Variants in TMEFF2 observed in about 807,000 individuals in gnomAD.
The protein encoded by TMEFF2 is transmembrane protein with EGF like and two follistatin like domains 2.
In TMEFF2, 28 loss-of-function variants were observed where a neutral mutation model predicts 53.8. The observed-to-expected ratio is 0.52, with a 90% confidence interval of 0.39 to 0.71. The LOEUF (loss-of-function observed/expected upper bound fraction) is 0.71, where lower values mean the gene tolerates loss of function less well. TMEFF2 is among the 30% of genes least tolerant of loss of function. The pLI is 0.00. For synonymous variants in TMEFF2, 162 were observed against 166.3 expected (o/e 0.97, Z 0.20); for missense variants, 353 against 455.2 (o/e 0.78, Z 2.04).
intron 4 of TMEFF2, 70 bp downstream of exon 4, chr2:192,179,598 C>A: frequency 7.0e-7 from 1 of 1,436,504 alleles, no homozygotes. Flanking sequence ...TGAAATGGAA[C>A]ATACATAAGT....
At chr2:192,090,459 GTGATA>G (rs2105933988) in intron 4 of TMEFF2, among the ~76,000 whole-genome samples, 1 of 152,252 alleles carries the variant, frequency 6.6e-6, no homozygotes, top group Non-Finnish European at 1.5e-5. Flanking sequence ...GTCAAATGCA[GTGATA>G]TAATAAAAAG....
intron 5 of TMEFF2, among the ~76,000 whole-genome samples, chr2:192,017,957 T>C (rs1013102040): frequency 1.3e-5 from 2 of 152,312 alleles, no homozygotes; most frequent in East Asian, 1.9e-4. Context: ...AGAGTTGATA[T>C]ATCCTTTCTT....
At chr2:192,150,688 A>C (rs1574416797) in intron 4 of TMEFF2, among the ~76,000 whole-genome samples, 1 of 96,312 alleles carries the variant, frequency 1.0e-5, no homozygotes, top group African/African-American at 3.5e-5. Context: ...AGCAGAGGAC[A>C]CTTCATGTTT....
At chr2:192,111,588 A>G (rs893167461) in intron 4 of TMEFF2, among the ~76,000 whole-genome samples, 1 of 152,190 alleles carries the variant, frequency 6.6e-6, no homozygotes, top group Admixed American at 6.6e-5. Context: ...CCTTATGAAG[A>G]AAGAAAAACC....
At chr2:192,150,328 C>A (rs141609861) in intron 4 of TMEFF2, among the ~76,000 whole-genome samples, 4 of 151,930 alleles carry the variant, frequency 2.6e-5, no homozygotes, top group East Asian at 1.9e-4. Context: ...GTCAGCCATG[C>A]CCCTAACAAT....
At chr2:191,967,828 T>A (rs866245803) in intron 7 of TMEFF2, among the ~76,000 whole-genome samples, 1 of 152,170 alleles carries the variant, frequency 6.6e-6, no homozygotes, top group Admixed American at 6.5e-5. Context: ...GTTTGCCCTC[T>A]GCTGCTCTTC....
At chr2:192,081,797 TC>T (rs1688559400) in intron 4 of TMEFF2, among the ~76,000 whole-genome samples, 1 of 147,180 alleles carries the variant, frequency 6.8e-6, no homozygotes, top group Non-Finnish European at 1.5e-5. Flanking sequence ...TTAAACGATT[TC>T]CCTTTTTTTT....
At chr2:192,111,973 A>G (rs1689289981) in intron 4 of TMEFF2, among the ~76,000 whole-genome samples, 1 of 152,208 alleles carries the variant, frequency 6.6e-6, no homozygotes, top group African/African-American at 2.4e-5. Context: ...CTCAACTTAG[A>G]TTTCAGAGAA....
chr2:192,056,692 C>T (rs1212514998), intron 5 of TMEFF2, among the ~76,000 whole-genome samples: 3 of 152,096 alleles, frequency 2.0e-5, no homozygotes, highest in Non-Finnish European at 4.4e-5. Context: ...GTCCCCCTCC[C>T]CAGATTCATA....
At chr2:191,993,672 T>C (rs1686158183) in intron 7 of TMEFF2, among the ~76,000 whole-genome samples, 1 of 152,038 alleles carries the variant, frequency 6.6e-6, no homozygotes, top group African/African-American at 2.4e-5. Context: ...TTTTTTCCAA[T>C]TTGGAAAATT....
intron 4 of TMEFF2, among the ~76,000 whole-genome samples, chr2:192,097,705 C>T (rs1688945612): frequency 6.6e-6 from 1 of 152,088 alleles, no homozygotes; most frequent in Admixed American, 6.6e-5. Context: ...GCCCTTTGAC[C>T]TCCATTATTA....
intron 4 of TMEFF2, among the ~76,000 whole-genome samples, chr2:192,168,699 C>G (rs1227289795): frequency 6.6e-6 from 1 of 152,008 alleles, no homozygotes; most frequent in East Asian, 1.9e-4. Flanking sequence ...TAAAATACTT[C>G]TACAGTTATT....
intron 4 of TMEFF2, among the ~76,000 whole-genome samples, chr2:192,117,570 G>A (rs748768521): frequency 2.3e-4 from 35 of 152,016 alleles, no homozygotes; most frequent in Non-Finnish European, 4.4e-4. Context: ...GGCTGATTAA[G>A]GCTAGCTTCC....
intron 5 of TMEFF2, among the ~76,000 whole-genome samples, chr2:192,002,691 G>A (rs1177616484): frequency 6.6e-6 from 1 of 152,050 alleles, no homozygotes; most frequent in Non-Finnish European, 1.5e-5. Flanking sequence ...GTAGTCAGAT[G>A]TGCTGTTGGG....
At chr2:192,087,554 G>C (rs1361619945) in intron 4 of TMEFF2, among the ~76,000 whole-genome samples, 1 of 152,080 alleles carries the variant, frequency 6.6e-6, no homozygotes, top group Non-Finnish European at 1.5e-5. Context: ...AAAAGCCTAA[G>C]GCATACTGCC....
intron 4 of TMEFF2, among the ~76,000 whole-genome samples, chr2:192,123,984 A>G (rs1041444918): frequency 2.0e-5 from 3 of 152,214 alleles, no homozygotes; most frequent in Admixed American, 1.3e-4. Context: ...CATCATCTCC[A>G]TTAGTTTGCC....
chr2:191,994,966 G>A (rs1375773121), intron 7 of TMEFF2, among the ~76,000 whole-genome samples: 1 of 151,996 alleles, frequency 6.6e-6, no homozygotes, highest in Non-Finnish European at 1.5e-5. Flanking sequence ...CAACCAGAAA[G>A]TAATACTGGC....
chr2:192,136,228 C>T (rs1345312179), intron 4 of TMEFF2, among the ~76,000 whole-genome samples: 2 of 152,154 alleles, frequency 1.3e-5, no homozygotes, highest in African/African-American at 2.4e-5. Flanking sequence ...GCTATAATTA[C>T]AATTAAATGG....
chr2:192,162,299 G>C (rs1559152186), intron 4 of TMEFF2, among the ~76,000 whole-genome samples: 1 of 152,134 alleles, frequency 6.6e-6, no homozygotes, highest in African/African-American at 2.4e-5. Flanking sequence ...AGTGTGCTGT[G>C]TCTGTTATTT....
Sources: allele counts gnomAD v4.1 joint callset (sites outside exome capture counted in the v4.1 genomes callset), GRCh38; gene constraint gnomAD v4.1.1; transcripts MANE v1.5; gene names NCBI Gene and HGNC (gene_info 2026-07-23, HGNC 2026-07-21).